Variants in OPCML observed in about 807,000 individuals in gnomAD.
The protein encoded by OPCML is opioid-binding protein/cell adhesion molecule.
A neutral mutation model predicts 37.8 loss-of-function variants in OPCML; 13 were observed. That is an observed-to-expected ratio of 0.34 (90% CI 0.22 to 0.55). The LOEUF is 0.55. Ranked by LOEUF, OPCML falls within the 20% of genes least tolerant of loss-of-function variation. The pLI is 0.91. For synonymous variants in OPCML, 176 were observed against 168.8 expected, an observed-to-expected ratio of 1.04 and a Z score of -0.33; for missense variants, 341 against 435.6, an observed-to-expected ratio of 0.78 and a Z score of 1.93.
At chr11:132,687,377 T>C (rs1196249064) in intron 2 of OPCML, among the ~76,000 whole-genome samples, 1 of 4,672 alleles carries the variant, frequency 2.1e-4, no homozygotes, top group Admixed American at 1.9e-3. Flanking sequence ...TACATATATA[T>C]ATATATATAT....
chr11:132,600,247 T>A (rs1042598929), intron 3 of OPCML, among the ~76,000 whole-genome samples: 1 of 152,216 alleles, frequency 6.6e-6, no homozygotes, highest in African/African-American at 2.4e-5. Flanking sequence ...CCAGACCAAC[T>A]GGTCCAGAGA....
chr11:133,475,227 T>G (rs900098771), intron 1 of OPCML, among the ~76,000 whole-genome samples: 25 of 138,606 alleles, frequency 1.8e-4, no homozygotes, highest in African/African-American at 5.3e-4. Flanking sequence ...TTTTGTTGTT[T>G]TTTTGTTGTT....
intron 2 of OPCML, among the ~76,000 whole-genome samples, chr11:132,659,806 T>C (rs2135781723): frequency 6.6e-6 from 1 of 152,292 alleles, no homozygotes; most frequent in South Asian, 2.1e-4. Flanking sequence ...AGGAACTAAC[T>C]CTTTTTCTAA....
chr11:132,835,258 C>G (rs1940943232), intron 2 of OPCML, among the ~76,000 whole-genome samples: 1 of 152,184 alleles, frequency 6.6e-6, no homozygotes, highest in Admixed American at 6.5e-5. Flanking sequence ...CTCAGGAGAG[C>G]AGACTGTAGA....
intron 1 of OPCML, among the ~76,000 whole-genome samples, chr11:133,187,463 G>T (rs1183578086): frequency 6.6e-6 from 1 of 152,098 alleles, no homozygotes; most frequent in Non-Finnish European, 1.5e-5. Flanking sequence ...GGACCTGCTT[G>T]CTCTCTACCC....
chr11:133,235,930 T>A (rs1367407714), intron 1 of OPCML, among the ~76,000 whole-genome samples: 1 of 152,190 alleles, frequency 6.6e-6, no homozygotes, highest in Admixed American at 6.5e-5. Flanking sequence ...ATACAATACC[T>A]TCCCTGTTAT....
chr11:133,100,418 A>G (rs1949068961), intron 1 of OPCML, among the ~76,000 whole-genome samples: 4 of 152,220 alleles, frequency 2.6e-5, no homozygotes, highest in Admixed American at 2.6e-4. Context: ...CAAACAAAAT[A>G]CCAGCAAGTT....
intron 2 of OPCML, among the ~76,000 whole-genome samples, chr11:132,765,580 A>G (rs1350854777): frequency 6.6e-6 from 1 of 152,190 alleles, no homozygotes. Context: ...CTTCTTAGCT[A>G]TCAGAACAAG....
chr11:132,963,512 A>C (rs1476042516), intron 1 of OPCML, among the ~76,000 whole-genome samples: 2 of 151,632 alleles, frequency 1.3e-5, no homozygotes, highest in African/African-American at 4.9e-5. Flanking sequence ...GAATCGCTTG[A>C]ACCCAGGAGG....
chr11:133,467,406 CA>C (rs1340644518), intron 1 of OPCML, among the ~76,000 whole-genome samples: 2 of 152,094 alleles, frequency 1.3e-5, no homozygotes, highest in Non-Finnish European at 2.9e-5. Flanking sequence ...ACTAAAATCT[CA>C]AAAAAGTCCT....
intron 1 of OPCML, among the ~76,000 whole-genome samples, chr11:133,143,728 T>C (rs1200779184): frequency 6.6e-6 from 1 of 152,230 alleles, no homozygotes; most frequent in African/African-American, 2.4e-5. Context: ...GGGATGTTTA[T>C]TGGCCTGCCT....
At chr11:133,063,954 T>C (rs571266994) in intron 1 of OPCML, among the ~76,000 whole-genome samples, 1 of 152,348 alleles carries the variant, frequency 6.6e-6, no homozygotes, top group African/African-American at 2.4e-5. Context: ...GGGCTAGCTG[T>C]CAGCCGGGAT....
chr11:133,065,134 C>G (rs868285498), intron 1 of OPCML: 1 of 152,402 alleles, frequency 6.6e-6, no homozygotes, highest in Non-Finnish European at 1.5e-5. Flanking sequence ...CGGACCTGGA[C>G]GAGCATGAAG....
intron 4 of OPCML, among the ~76,000 whole-genome samples, chr11:132,503,114 G>A (rs564486040): frequency 2.6e-5 from 4 of 152,152 alleles, no homozygotes; most frequent in African/African-American, 9.7e-5. Context: ...CTAGCACTAC[G>A]CTTGGGATAT....
At chr11:133,340,266 C>T (rs1049057647) in intron 1 of OPCML, among the ~76,000 whole-genome samples, 16 of 152,166 alleles carry the variant, frequency 1.1e-4, no homozygotes, top group African/African-American at 3.9e-4. Flanking sequence ...TCCTTTGACT[C>T]TCCGGGTAAT....
chr11:133,412,499 C>T (rs1945671692), intron 1 of OPCML, among the ~76,000 whole-genome samples: 1 of 152,176 alleles, frequency 6.6e-6, no homozygotes, highest in Admixed American at 6.5e-5. Context: ...CACCTTAGTC[C>T]TCATCATCAA....
chr11:133,185,954 T>A (rs1382501137), intron 1 of OPCML, among the ~76,000 whole-genome samples: 1 of 152,244 alleles, frequency 6.6e-6, no homozygotes, highest in African/African-American at 2.4e-5. Context: ...ATTTTCCAAG[T>A]AGTCACTGTA....
intron 1 of OPCML, among the ~76,000 whole-genome samples, chr11:133,225,783 G>C (rs1940011651): frequency 1.3e-5 from 2 of 152,218 alleles, no homozygotes; most frequent in African/African-American, 4.8e-5. Context: ...TGGCAAACTG[G>C]ATTTAGAACT....
At chr11:132,656,776 A>G (rs1290281535) in intron 3 of OPCML, among the ~76,000 whole-genome samples, 10 of 152,212 alleles carry the variant, frequency 6.6e-5, no homozygotes, top group African/African-American at 9.6e-5. Flanking sequence ...GTATTTATCT[A>G]TGTTTGCATG....
Sources: gnomAD v4.1 joint callset for allele counts (sites outside exome capture counted in the v4.1 genomes callset) on GRCh38, gnomAD v4.1.1 for gene constraint, MANE v1.5 for transcripts, NCBI Gene and HGNC (gene_info 2026-07-23, HGNC 2026-07-21) for gene names.